ITK: variants seen among roughly 807,000 people sequenced by gnomAD.
The protein encoded by ITK is IL2 inducible T cell kinase.
ITK carries 45 observed loss-of-function variants against 87.6 expected under a neutral mutation model. The observed-to-expected ratio is 0.51, with a 90% confidence interval of 0.40 to 0.66. The LOEUF is 0.66. Ranked by LOEUF, ITK falls within the 30% of genes least tolerant of loss-of-function variation. ITK has a pLI of 0.00. For missense variants in ITK, 605 were observed against 766.3 expected (o/e 0.79, Z 2.48); for synonymous variants, 303 against 273.6 (o/e 1.11, Z -1.06).
At chr5:157,205,924 A>G (rs893622922) in intron 1 of ITK, among the ~76,000 whole-genome samples, 11 of 151,538 alleles carry the variant, frequency 7.3e-5, no homozygotes, top group African/African-American at 2.7e-4. Flanking sequence ...GCATATGTTG[A>G]ACCAACCTTG....
chr5:157,241,793 G>C, intron 11 of ITK, 73 bp downstream of exon 11: 1 of 1,035,544 alleles, frequency 9.7e-7, no homozygotes, highest in East Asian at 2.4e-5. Context: ...AACTGGCCAT[G>C]AGCCTACCTG....
intron 5 of ITK, among the ~76,000 whole-genome samples, chr5:157,222,259 G>C (rs552337281): frequency 6.6e-6 from 1 of 151,996 alleles, no homozygotes; most frequent in Non-Finnish European, 1.5e-5. Context: ...CCTCAATATG[G>C]ACATGAAGAA....
chr5:157,201,181 GA>G (rs967629407), intron 1 of ITK, among the ~76,000 whole-genome samples: 44 of 150,110 alleles, frequency 2.9e-4, no homozygotes, highest in Admixed American at 2.0e-3. Flanking sequence ...TACACTAATA[GA>G]AAAAAAATTT....
At chr5:157,225,795 A>G (rs1228449345) in intron 6 of ITK, among the ~76,000 whole-genome samples, 3 of 152,178 alleles carry the variant, frequency 2.0e-5, no homozygotes, top group Non-Finnish European at 4.4e-5. Context: ...TAGGTTCAAG[A>G]CTGTCTACAG....
intron 7 of ITK, among the ~76,000 whole-genome samples, chr5:157,231,191 A>G (rs1754644991): frequency 1.3e-5 from 2 of 152,194 alleles, no homozygotes; most frequent in Admixed American, 1.3e-4. Flanking sequence ...ACCTCACCCT[A>G]TTTGAGTTCT....
intron 14 of ITK, 40 bp from the exon 15 acceptor site, chr5:157,245,841 C>A: frequency 6.2e-7 from 1 of 1,609,322 alleles, no homozygotes; most frequent in Non-Finnish European, 8.5e-7. Context: ...GACTGAGGCC[C>A]CCGGAACATT....
rs974643571 is a variant in ITK, at chr5:157,253,369, C to G, written c.*691C>G. On this transcript the variant is annotated 3_prime_UTR_variant, in exon 17 of 17. Transcript: ENST00000422843. ...GACCCATTGGATGGATTGGGGTGAA[C>G]AGTTCAGGTCCCATGCTTGGAGCAT... 1 of 230,096 alleles carries G rather than the reference C, an allele frequency of 4.3e-6. No individual in the cohort carries two copies. Among genetic ancestry groups the G allele is most frequent in the African/African-American group, 2.2e-5 (1 of 44,882 alleles). The allele number at this position is 230,096 out of a possible 1,614,324, so 14.3% of individuals were successfully genotyped here. A position where few individuals can be genotyped will look rare whatever the true frequency, so the allele number is the denominator to read the frequency against.
chr5:157,195,975 A>T (rs964422226), intron 1 of ITK: 10 of 152,154 alleles, frequency 6.6e-5, no homozygotes, highest in Non-Finnish European at 1.3e-4. Flanking sequence ...ACCAAAGGTG[A>T]TTTTGCCCAC....
At chr5:157,229,216 G>A (rs1257384398) in intron 7 of ITK, among the ~76,000 whole-genome samples, 1 of 152,128 alleles carries the variant, frequency 6.6e-6, no homozygotes, top group Non-Finnish European at 1.5e-5. Flanking sequence ...ACTGATTCAG[G>A]CAAGAATCCT....
intron 1 of ITK, among the ~76,000 whole-genome samples, chr5:157,184,215 A>T (rs913313681): frequency 1.3e-5 from 2 of 152,192 alleles, no homozygotes; most frequent in African/African-American, 4.8e-5. Flanking sequence ...GGGCACATGG[A>T]TGTCCTGGTA....
chr5:157,217,152 A>G (rs1754315908), intron 4 of ITK, among the ~76,000 whole-genome samples: 2 of 152,016 alleles, frequency 1.3e-5, no homozygotes, highest in Non-Finnish European at 2.9e-5. Flanking sequence ...AAGGAGAAAT[A>G]GTGAGAGATG....
chr5:157,210,807 C>T (rs1038169501), intron 2 of ITK, among the ~76,000 whole-genome samples: 6 of 148,194 alleles, frequency 4.0e-5, no homozygotes, highest in South Asian at 2.2e-4. Flanking sequence ...GTTGTGGTTA[C>T]GTAAGATGTC....
intron 12 of ITK, 57 bp from the exon 13 acceptor site, chr5:157,244,205 T>C (rs925422456): frequency 9.0e-6 from 12 of 1,330,600 alleles, no homozygotes; most frequent in East Asian, 2.3e-5. Flanking sequence ...CATAATATTT[T>C]CGGCATTTTT....
rs1490584467 is a variant in ITK at position 157,180,948 on chromosome 5, C to T, written c.-30C>T. 6 of 1,611,598 alleles carry T rather than the reference C, an allele frequency of 3.7e-6. No individual in the cohort carries two copies. The highest frequency in any genetic ancestry group is 5.1e-6 in the Non-Finnish European group (6 of 1,178,058). On this transcript the variant is annotated 5_prime_UTR_variant, in exon 1 of 17. Transcript: ENST00000422843. Reference sequence around the variant, plus strand: ...TTTGGTTGTGCTAAGAGGTGATGCCCAAGGTGCACCACCTTTCAAGAACTG... The same window carrying T: ...TTTGGTTGTGCTAAGAGGTGATGCCTAAGGTGCACCACCTTTCAAGAACTG...
intron 10 of ITK, chr5:157,240,594 T>A (rs927407785): frequency 3.3e-4 from 99 of 300,718 alleles, no homozygotes; most frequent in Non-Finnish European, 3.9e-5. Flanking sequence ...GAAAAGAGGT[T>A]TAATTGGTCC....
intron 1 of ITK, among the ~76,000 whole-genome samples, chr5:157,199,009 C>A (rs556130431): frequency 7.9e-5 from 12 of 152,186 alleles, no homozygotes; most frequent in Non-Finnish European, 1.5e-4. Flanking sequence ...AGGCGACCCT[C>A]CTTCTTTGGC....
chr5:157,240,699 G>A (rs1419687270), intron 10 of ITK: 1 of 195,008 alleles, frequency 5.1e-6, no homozygotes, highest in East Asian at 1.3e-4. Context: ...AGGGGAGCAG[G>A]AGTATCACAT....
intron 11 of ITK, 98 bp from the exon 12 acceptor site, chr5:157,243,525 A>T: frequency 1.1e-6 from 1 of 946,246 alleles, no homozygotes; most frequent in Non-Finnish European, 1.7e-6. Context: ...TATTAACAAT[A>T]GGCTAAAATT....
Position 157,238,099 on chromosome 5 carries a change from A to T in ITK, c.769-10A>T, listed in dbSNP as rs55646940. ...GATCACTAACTTTCCATTCTTTCTA[A>T]CCATTCCAGGGCAAAGAAGGAGCCT... On this transcript the variant is annotated splice_polypyrimidine_tract_variant and intron_variant, in intron 8 of 16. Transcript: ENST00000422843. 0.024 allele frequency: 39,184 copies of T among 1,606,484 alleles called. 606 individuals are homozygous for T. The highest frequency in any genetic ancestry group is 0.03 in the Non-Finnish European group (34,924 of 1,173,134).
Sources: gnomAD v4.1 joint callset for allele counts (sites outside exome capture counted in the v4.1 genomes callset) on GRCh38, gnomAD v4.1.1 for gene constraint, MANE v1.5 for transcripts, NCBI Gene and HGNC (gene_info 2026-07-23, HGNC 2026-07-21) for gene names.